ARSB: variants seen among roughly 807,000 people sequenced by gnomAD.
ARSB encodes arylsulfatase B, also known as N-acetylgalactosamine-4-sulfatase.
In ARSB, 41 loss-of-function variants were observed where a neutral mutation model predicts 50.9. That is an observed-to-expected ratio of 0.81 (90% CI 0.63 to 1.04). ARSB has a LOEUF of 1.04. Ranked by LOEUF, ARSB falls within the 50% of genes least tolerant of loss-of-function variation. The probability of loss-of-function intolerance (pLI) is 0.00; values close to 1 mark genes in which losing one functional copy is unlikely to be tolerated. For synonymous variants in ARSB, 269 were observed against 284.8 expected (o/e 0.94, Z 0.56); for missense variants, 672 against 693.3 (o/e 0.97, Z 0.35).
At chr5:78,928,139 C>T (rs1750134897) in intron 4 of ARSB, among the ~76,000 whole-genome samples, 1 of 151,894 alleles carries the variant, frequency 6.6e-6, no homozygotes, top group Non-Finnish European at 1.5e-5. Context: ...TATGATGGGT[C>T]CAAAGGGCCT....
At chr5:78,806,543 T>C (rs1043986845) in intron 6 of ARSB, among the ~76,000 whole-genome samples, 1 of 152,194 alleles carries the variant, frequency 6.6e-6, no homozygotes, top group African/African-American at 2.4e-5. Flanking sequence ...TTTAAAGCAT[T>C]TGTAGGTCTG....
intron 1 of ARSB, among the ~76,000 whole-genome samples, chr5:78,976,821 C>T (rs548545389): frequency 4.4e-4 from 67 of 152,258 alleles, no homozygotes; most frequent in African/African-American, 1.6e-3. Flanking sequence ...AGTTTTAACA[C>T]TTTTTAATGG....
intron 1 of ARSB, among the ~76,000 whole-genome samples, chr5:78,972,544 C>CACACACACACACACACACACA (rs1554088554): frequency 1.4e-5 from 2 of 147,612 alleles, no homozygotes; most frequent in African/African-American, 5.2e-5. Flanking sequence ...CACACACACA[C>CACACACACACACACACACACA]CCCAAATCAA....
Position 78,885,567 on chromosome 5 carries a change from G to C in ARSB, c.1142+17C>G, listed in dbSNP as rs1294220100. 6.2e-7 allele frequency: 1 copy of C among 1,611,798 alleles called. No individual in the cohort carries two copies. The highest frequency in any genetic ancestry group is 8.5e-7 in the Non-Finnish European group (1 of 1,179,688). ...GGAGTTTCTGTCCTGGGAGGAAAAAGGGCAGGGTGTAGGTACCTGATGGTT... is the reference window on the plus strand; with the variant it reads ...GGAGTTTCTGTCCTGGGAGGAAAAACGGCAGGGTGTAGGTACCTGATGGTT... On this transcript the variant is annotated intron_variant, in intron 5 of 7. Transcript: ENST00000264914.
chr5:78,946,410 A>C (rs1561519576), intron 4 of ARSB, among the ~76,000 whole-genome samples: 1 of 152,212 alleles, frequency 6.6e-6, no homozygotes, highest in East Asian at 1.9e-4. Context: ...CAAGATACAA[A>C]ATCAACATAC....
chr5:78,796,875 A>ATC (rs1209956080), intron 6 of ARSB, among the ~76,000 whole-genome samples: 66 of 112,250 alleles, frequency 5.9e-4, no homozygotes, highest in African/African-American at 2.6e-3. Flanking sequence ...GATGGTCTCG[A>ATC]TCTCTTTTTT....
chr5:78,906,204 A>T (rs1749060403), intron 4 of ARSB, among the ~76,000 whole-genome samples: 1 of 152,024 alleles, frequency 6.6e-6, no homozygotes, highest in Admixed American at 6.6e-5. Context: ...GTAGTGGTGC[A>T]TGACTGCAGT....
At chr5:78,780,968 T>A (rs1470839962) in intron 7 of ARSB, among the ~76,000 whole-genome samples, 1 of 152,220 alleles carries the variant, frequency 6.6e-6, no homozygotes, top group African/African-American at 2.4e-5. Flanking sequence ...GATGCTAAAG[T>A]CTTGCAATAC....
intron 5 of ARSB, among the ~76,000 whole-genome samples, chr5:78,853,058 G>A (rs150077569): frequency 1.7e-3 from 257 of 152,268 alleles, no homozygotes; most frequent in African/African-American, 4.7e-3. Flanking sequence ...TTCTCAACTC[G>A]TCAAAGTAAT....
At chr5:78,859,168 CA>C (rs1274940291) in intron 5 of ARSB, among the ~76,000 whole-genome samples, 1 of 152,046 alleles carries the variant, frequency 6.6e-6, no homozygotes, top group African/African-American at 2.4e-5. Context: ...GCCATTTCAA[CA>C]TGCAAATATT....
chr5:78,786,896 C>T (rs1306209597), intron 6 of ARSB, among the ~76,000 whole-genome samples: 1 of 150,670 alleles, frequency 6.6e-6, no homozygotes, highest in Non-Finnish European at 1.5e-5. Context: ...CATGAGCCAC[C>T]ATACCCACCC....
At chr5:78,928,040 A>G (rs1264617469) in intron 4 of ARSB, among the ~76,000 whole-genome samples, 5 of 152,180 alleles carry the variant, frequency 3.3e-5, no homozygotes, top group Admixed American at 2.0e-4. Flanking sequence ...GACAGACTTC[A>G]TATCTGTCAC....
chr5:78,904,758 G>A (rs1748967916), intron 4 of ARSB, among the ~76,000 whole-genome samples: 1 of 143,998 alleles, frequency 6.9e-6, no homozygotes, highest in African/African-American at 2.6e-5. Context: ...CGCTATCTCA[G>A]CTCACTGCAA....
At position 78,849,902 on chromosome 5, in the gene ARSB, C is replaced by T. The variant is rs1002293402; in HGVS notation, c.1143-10476G>A. On this transcript the variant is annotated intron_variant, in intron 5 of 7. Coordinates refer to ENST00000264914, the MANE Select transcript of ARSB (RefSeq NM_000046.5). ...TATAAGAATGCTTGTGATTTTTGTA[C>T]ATTGATTTTGCATCCTGAGACTTTG... Among the ~76,000 whole-genome samples, 15 of 150,828 alleles carry T rather than the reference C, an allele frequency of 9.9e-5. No homozygotes were observed. In the East Asian group the frequency reaches 2.1e-3, roughly 21 times the overall value.
chr5:78,880,425 T>C (rs1182542847), intron 5 of ARSB, among the ~76,000 whole-genome samples: 1 of 152,204 alleles, frequency 6.6e-6, no homozygotes, highest in East Asian at 1.9e-4. Flanking sequence ...AAAGCTTTGA[T>C]TCCACATGCT....
intron 1 of ARSB, 65 bp downstream of exon 1, chr5:78,984,872 A>C: frequency 1.7e-6 from 2 of 1,201,724 alleles, no homozygotes; most frequent in African/African-American, 1.6e-5. Context: ...AGGGCCGGGT[A>C]GGAGCGGCAG....
At chr5:78,932,343 C>T (rs1021414845) in intron 4 of ARSB, among the ~76,000 whole-genome samples, 4 of 152,222 alleles carry the variant, frequency 2.6e-5, no homozygotes, top group Non-Finnish European at 5.9e-5. Context: ...CAGATGGACT[C>T]ACCTAACTGT....
intron 6 of ARSB, among the ~76,000 whole-genome samples, chr5:78,787,396 A>G (rs919420734): frequency 6.6e-6 from 1 of 152,234 alleles, no homozygotes; most frequent in Admixed American, 6.5e-5. Context: ...TTAACTTGAC[A>G]GTGTATTGGA....
intron 5 of ARSB, among the ~76,000 whole-genome samples, chr5:78,853,838 T>C (rs552097137): frequency 1.4e-4 from 21 of 152,360 alleles, no homozygotes; most frequent in Admixed American, 4.6e-4. Context: ...TCAGCGAAAC[T>C]CTGTGGGCAT....
Sources: allele counts gnomAD v4.1 joint callset (sites outside exome capture counted in the v4.1 genomes callset), GRCh38; gene constraint gnomAD v4.1.1; transcripts MANE v1.5; gene names NCBI Gene and HGNC (gene_info 2026-07-23, HGNC 2026-07-21).